Variants in KCNQ5 observed in about 807,000 individuals in gnomAD.
The protein encoded by KCNQ5 is potassium voltage-gated channel subfamily KQT member 5.
KCNQ5 carries 30 observed loss-of-function variants against 98.2 expected under a neutral mutation model. The observed-to-expected ratio is 0.31, with a 90% CI of 0.23 to 0.41. KCNQ5 has a LOEUF of 0.41. Ranked by LOEUF, KCNQ5 falls within the 10% of genes least tolerant of loss-of-function variation. The pLI is 1.00. For synonymous variants in KCNQ5, 458 were observed against 449.4 expected (o/e 1.02, Z -0.24); for missense variants, 835 against 1,182.5 (o/e 0.71, Z 4.31).
intron 1 of KCNQ5, among the ~76,000 whole-genome samples, chr6:72,660,847 A>T (rs943515446): frequency 8.5e-5 from 13 of 152,158 alleles, no homozygotes; most frequent in African/African-American, 1.2e-4. Flanking sequence ...GATAAAGAAG[A>T]ATTTGTTCAG....
intron 3 of KCNQ5, among the ~76,000 whole-genome samples, chr6:73,054,285 A>G (rs1447901761): frequency 6.6e-6 from 1 of 152,208 alleles, no homozygotes; most frequent in Non-Finnish European, 1.5e-5. Flanking sequence ...AGCTGGTACC[A>G]TTCCTACTGA....
At chr6:73,153,164 C>T (rs1042536443) in intron 10 of KCNQ5, among the ~76,000 whole-genome samples, 2 of 152,044 alleles carry the variant, frequency 1.3e-5, no homozygotes, top group African/African-American at 4.8e-5. Context: ...TTGAGTTTTC[C>T]AAAGTGTAAA....
chr6:72,945,287 T>A (rs1258135913), intron 1 of KCNQ5, among the ~76,000 whole-genome samples: 1 of 152,120 alleles, frequency 6.6e-6, no homozygotes, highest in Non-Finnish European at 1.5e-5. Flanking sequence ...AGTTTTAGGG[T>A]ACATGTGCAC....
At chr6:72,752,249 A>G (rs539732637) in intron 1 of KCNQ5, among the ~76,000 whole-genome samples, 1 of 152,246 alleles carries the variant, frequency 6.6e-6, no homozygotes, top group South Asian at 2.1e-4. Flanking sequence ...GTTACAAACT[A>G]ATTTCTTCAC....
At chr6:72,651,319 T>G (rs2154472405) in intron 1 of KCNQ5, among the ~76,000 whole-genome samples, 1 of 152,206 alleles carries the variant, frequency 6.6e-6, no homozygotes, top group African/African-American at 2.4e-5. Context: ...GATGGACAGA[T>G]GGATGCATAG....
At chr6:73,114,307 G>A (rs1368468452) in intron 7 of KCNQ5, among the ~76,000 whole-genome samples, 2 of 152,148 alleles carry the variant, frequency 1.3e-5, no homozygotes, top group Non-Finnish European at 2.9e-5. Context: ...AAGCCCAAAA[G>A]CGTCTCATTT....
chr6:72,748,510 A>G (rs1253808350), intron 1 of KCNQ5, among the ~76,000 whole-genome samples: 1 of 152,168 alleles, frequency 6.6e-6, no homozygotes, highest in Non-Finnish European at 1.5e-5. Flanking sequence ...TGAGAACCAC[A>G]GATGACTTTC....
Position 73,084,090 on chromosome 6 carries a change from G to T in KCNQ5, c.918+6203G>T, listed in dbSNP as rs2150397843. ...ATATGTAGTCATGAAGCATCCTCAT[G>T]GTTCACCCGAGATGAACAGAGTCAC... On this transcript the variant is annotated intron_variant, in intron 5 of 13. Transcript: ENST00000370398. Among the ~76,000 whole-genome samples the T allele has an allele frequency of 1.3e-5, 2 of 152,156 alleles. 1 individual carries two copies. Among genetic ancestry groups the T allele is most frequent in the South Asian group, 4.2e-4 (2 of 4,816 alleles).
intron 1 of KCNQ5, among the ~76,000 whole-genome samples, chr6:72,811,858 T>A (rs970533031): frequency 6.6e-6 from 1 of 152,196 alleles, no homozygotes; most frequent in Admixed American, 6.6e-5. Flanking sequence ...GAATGGCTAC[T>A]CCATAGGCAG....
intron 1 of KCNQ5, among the ~76,000 whole-genome samples, chr6:72,926,228 T>G (rs1216636001): frequency 6.6e-6 from 1 of 152,108 alleles, no homozygotes; most frequent in East Asian, 1.9e-4. Context: ...CCACTGAATT[T>G]TATTGGTTTG....
At chr6:72,948,172 T>C (rs538364624) in intron 1 of KCNQ5, among the ~76,000 whole-genome samples, 2 of 152,232 alleles carry the variant, frequency 1.3e-5, no homozygotes, top group Middle Eastern at 6.8e-3. Flanking sequence ...TGAACTTTGA[T>C]TAACAATAGC....
chr6:73,128,295 A>G (rs1776077536), intron 9 of KCNQ5, among the ~76,000 whole-genome samples: 3 of 152,328 alleles, frequency 2.0e-5, no homozygotes, highest in African/African-American at 7.2e-5. Context: ...AATTCCCACT[A>G]AAACAGTACT....
chr6:73,034,615 T>G (rs967473228), intron 2 of KCNQ5, among the ~76,000 whole-genome samples: 2 of 152,182 alleles, frequency 1.3e-5, no homozygotes, highest in Admixed American at 1.3e-4. Context: ...TCAATCTGCC[T>G]AAAACAATTT....
intron 1 of KCNQ5, among the ~76,000 whole-genome samples, chr6:72,877,471 G>A (rs529788756): frequency 6.6e-6 from 1 of 152,182 alleles, no homozygotes; most frequent in South Asian, 2.1e-4. Flanking sequence ...ATCATTGATG[G>A]GCATTTGGGT....
intron 1 of KCNQ5, among the ~76,000 whole-genome samples, chr6:72,851,398 C>G: frequency 6.6e-6 from 1 of 152,140 alleles, no homozygotes; most frequent in Non-Finnish European, 1.5e-5. Flanking sequence ...TCATTTCCAG[C>G]TATTAATCTG....
At chr6:72,751,043 C>T (rs1407062204) in intron 1 of KCNQ5, among the ~76,000 whole-genome samples, 1 of 151,930 alleles carries the variant, frequency 6.6e-6, no homozygotes, top group Non-Finnish European at 1.5e-5. Flanking sequence ...TGGTTCCTAC[C>T]ATTAAGAAGC....
At chr6:72,735,603 T>C (rs905484012) in intron 1 of KCNQ5, among the ~76,000 whole-genome samples, 9 of 152,066 alleles carry the variant, frequency 5.9e-5, no homozygotes, top group Non-Finnish European at 7.4e-5. Flanking sequence ...CTATTTTTCA[T>C]TTTTTTCAAA....
intron 1 of KCNQ5, among the ~76,000 whole-genome samples, chr6:72,866,612 A>G (rs1777998884): frequency 6.6e-6 from 1 of 152,162 alleles, no homozygotes; most frequent in South Asian, 2.1e-4. Context: ...CAAACAAGCT[A>G]AAAGAGATGA....
chr6:72,658,578 A>ATATATATTTTTTT (rs1226386362), intron 1 of KCNQ5, among the ~76,000 whole-genome samples: 39 of 76,378 alleles, frequency 5.1e-4, no homozygotes, highest in Non-Finnish European at 1.0e-3. Flanking sequence ...ATATATATAT[A>ATATATATTTTTTT]TTTTTTTTTT....
Sources: gnomAD v4.1 joint callset for allele counts (sites outside exome capture counted in the v4.1 genomes callset) on GRCh38, gnomAD v4.1.1 for gene constraint, MANE v1.5 for transcripts, NCBI Gene and HGNC (gene_info 2026-07-23, HGNC 2026-07-21) for gene names.